The following GRIK5 variants were observed in gnomAD, a reference collection of about 807,000 sequenced individuals.
The protein encoded by GRIK5 is glutamate receptor ionotropic, kainate 5.
Under a neutral mutation model 97.4 loss-of-function variants are expected in GRIK5, and 43 were observed. The ratio of observed to expected loss-of-function variants is 0.44; its 90% CI spans 0.35 to 0.57. The LOEUF (loss-of-function observed/expected upper bound fraction) is 0.57, where lower values mean the gene tolerates loss of function less well. Ranked by LOEUF, GRIK5 falls within the 20% of genes least tolerant of loss-of-function variation. GRIK5 has a pLI of 0.01. For synonymous variants in GRIK5, 580 were observed against 583.5 expected (o/e 0.99, Z 0.09); for missense variants, 1,015 against 1,382.0 (o/e 0.73, Z 4.21).
intron 15 of GRIK5, among the ~76,000 whole-genome samples, chr19:42,012,793 G>C (rs942081649): frequency 1.3e-5 from 2 of 151,904 alleles, no homozygotes; most frequent in Admixed American, 6.6e-5. Context: ...CTTAAGCCTG[G>C]GAGGTTGAGG....
chr19:42,061,867 C>T (rs1599849637), intron 5 of GRIK5, among the ~76,000 whole-genome samples: 1 of 152,220 alleles, frequency 6.6e-6, no homozygotes, highest in East Asian at 1.9e-4. Context: ...CTGACCCTGT[C>T]CCCTCGCCCT....
chr19:42,005,666 A>T, intron 17 of GRIK5, 57 bp downstream of exon 17: 1 of 1,260,288 alleles, frequency 7.9e-7, no homozygotes, highest in Non-Finnish European at 1.1e-6. Context: ...GGGCCTGCTC[A>T]CAGGTGGTTT....
At chr19:42,063,802 A>C (rs1044891150) in intron 3 of GRIK5, among the ~76,000 whole-genome samples, 1 of 152,172 alleles carries the variant, frequency 6.6e-6, no homozygotes, top group East Asian at 1.9e-4. Flanking sequence ...GAACACCTGG[A>C]TTCAGCCATG....
intron 15 of GRIK5, among the ~76,000 whole-genome samples, chr19:42,019,569 CA>C (rs972244027): frequency 6.6e-6 from 1 of 152,156 alleles, no homozygotes; most frequent in African/African-American, 2.4e-5. Context: ...CCTTACTCAG[CA>C]AAAGAGACTT....
Position 42,042,824 on chromosome 19 carries a change from C to T in GRIK5, c.1270-69G>A. On this transcript the variant is annotated intron_variant, in intron 11 of 19. Coordinates refer to ENST00000593562, the MANE Select transcript of GRIK5 (RefSeq NM_002088.5). This position sits in a 1 kb window ranked among gnomAD's most constrained non-coding sequence, Gnocchi z 6.9. ...GTGGCTGGGTTGCGGATCCTGGAGC[C>T]CGGACCAGGCAGGTAGAGCAGGAAT... 1.6e-6 allele frequency: 2 copies of T among 1,213,530 alleles called. No homozygotes were observed. Among genetic ancestry groups the T allele is most frequent in the South Asian group, 1.3e-5 (1 of 76,052 alleles). 75.2% of individuals were successfully genotyped at this position (1,213,530 alleles called of 1,614,324 possible). A position where few individuals can be genotyped will look rare whatever the true frequency, so the allele number is the denominator to read the frequency against.
Position 42,062,163 on chromosome 19 carries a change from T to C in GRIK5, c.508+325A>G, listed in dbSNP as rs747509695. Reference sequence around the variant, plus strand: ...TCCACGTGCCTCCTGGCAGCACACATACCACTCTGTATCACAACAGCTCAA... The same window carrying C: ...TCCACGTGCCTCCTGGCAGCACACACACCACTCTGTATCACAACAGCTCAA... On this transcript the variant is annotated intron_variant, in intron 5 of 19. Coordinates refer to ENST00000593562, the MANE Select transcript of GRIK5 (RefSeq NM_002088.5). This position sits in a 1 kb window ranked among gnomAD's most constrained non-coding sequence, Gnocchi z 5.3. Among the ~76,000 whole-genome samples, 15 of 152,172 alleles carry C rather than the reference T, an allele frequency of 9.9e-5. No homozygotes were observed. Among genetic ancestry groups the C allele is most frequent in the Non-Finnish European group, 1.9e-4 (13 of 68,032 alleles).
rs1555870453 is a variant in GRIK5 at position 41,999,433 on chromosome 19, ACTTCT to A, written c.2515-139_2515-135del. The A allele has an allele frequency of 1.6e-6, 1 of 619,840 alleles. No individual in the cohort carries two copies. Among genetic ancestry groups the A allele is most frequent in the Admixed American group, 4.0e-5 (1 of 25,016 alleles). The allele number at this position is 619,840 out of a possible 1,614,324, so 38.4% of individuals were successfully genotyped here. A position where few individuals can be genotyped will look rare whatever the true frequency, so the allele number is the denominator to read the frequency against. On this transcript the variant is annotated intron_variant, in intron 19 of 19. Transcript: ENST00000593562. This position sits in a 1 kb window ranked among gnomAD's most constrained non-coding sequence, Gnocchi z 5.0. Reference sequence around the variant, plus strand: ...TCCTTCTGCCCTCGCTTCCCTTCCCACTTCTCTTCCCTTTATCTCCCCCGTGTTTT... The same window carrying A: ...TCCTTCTGCCCTCGCTTCCCTTCCCACTTCCCTTTATCTCCCCCGTGTTTT...
intron 12 of GRIK5, among the ~76,000 whole-genome samples, chr19:42,039,035 G>C (rs1293584883): frequency 6.6e-6 from 1 of 152,092 alleles, no homozygotes; most frequent in Non-Finnish European, 1.5e-5. Flanking sequence ...ACCAAGCCCT[G>C]GTGCTCTTTA....
intron 11 of GRIK5, among the ~76,000 whole-genome samples, chr19:42,051,945 C>G (rs2076122455): frequency 6.6e-6 from 1 of 152,204 alleles, no homozygotes; most frequent in African/African-American, 2.4e-5. Flanking sequence ...CTAAAGCTGA[C>G]TCAGTCCCTC....
intron 12 of GRIK5, among the ~76,000 whole-genome samples, chr19:42,039,748 G>T (rs1278654209): frequency 6.6e-6 from 1 of 152,194 alleles, no homozygotes; most frequent in East Asian, 1.9e-4. Flanking sequence ...GGAAGGCTGA[G>T]GTGGGAGGAT....
chr19:42,062,015 C>G lies in GRIK5; in HGVS notation c.508+473G>C, dbSNP rs1475621850. On this transcript the variant is annotated intron_variant, in intron 5 of 19. Coordinates refer to ENST00000593562, the MANE Select transcript of GRIK5 (RefSeq NM_002088.5). This position sits in a 1 kb window ranked among gnomAD's most constrained non-coding sequence, Gnocchi z 5.3. ...CTACCTCTGCCCGTCACACTTTCTA[C>G]TTAGAACCTGTTCCCTCTTTCTTCC... 6.6e-6 allele frequency among the ~76,000 whole-genome samples: 1 copy of G among 152,232 alleles called. No individual in the cohort carries two copies. Among genetic ancestry groups the G allele is most frequent in the East Asian group, 1.9e-4 (1 of 5,204 alleles).
intron 12 of GRIK5, among the ~76,000 whole-genome samples, chr19:42,025,975 G>T (rs989149734): frequency 3.3e-5 from 5 of 152,100 alleles, no homozygotes; most frequent in African/African-American, 4.8e-5. Context: ...AATAAATTCT[G>T]CAATGACTCT....
chr19:42,026,050 G>A (rs2075767765), intron 12 of GRIK5, among the ~76,000 whole-genome samples: 1 of 152,118 alleles, frequency 6.6e-6, no homozygotes, highest in South Asian at 2.1e-4. Context: ...GAACACAGTG[G>A]TGCAATCATA....
intron 9 of GRIK5, among the ~76,000 whole-genome samples, 176 bp downstream of exon 9, chr19:42,054,144 A>G (rs2076151506): frequency 6.6e-6 from 1 of 152,148 alleles, no homozygotes; most frequent in Non-Finnish European, 1.5e-5. Flanking sequence ...GGCAAGACTC[A>G]GAAAGAGAGA....
At position 42,062,650 on chromosome 19, in the gene GRIK5, G is replaced by A. The variant is rs768384122; in HGVS notation, c.346C>T (p.Pro116Ser). ...TCCTCGGGACCCACCTTGATGTGGG[G>A]GATCTGGACAGAGAGGAAACTTTGG... ...VSHICGEKEI[P>S]HIKVGPEETP... The change falls in exon 5 of 20, where the codon CCC becomes TCC. Residue 116 changes from proline to serine, a missense_variant. This residue lies in a region of GRIK5 where 198 missense variants were observed against 218.2 expected (regional missense o/e 0.91). Transcript: ENST00000593562. This position sits in a 1 kb window ranked among gnomAD's most constrained non-coding sequence, Gnocchi z 5.3. The A allele has an allele frequency of 6.2e-7, 1 of 1,614,018 alleles. No individual in the cohort carries two copies. The highest frequency in any genetic ancestry group is 1.1e-5 in the South Asian group (1 of 91,074).
At chr19:42,050,305 T>A (rs1813638661) in intron 11 of GRIK5, among the ~76,000 whole-genome samples, 2 of 152,048 alleles carry the variant, frequency 1.3e-5, no homozygotes, top group Admixed American at 1.3e-4. Context: ...GCAAACAGTG[T>A]GTGGATGGCA....
intron 11 of GRIK5, among the ~76,000 whole-genome samples, chr19:42,053,270 T>C (rs1442378330): frequency 6.6e-6 from 1 of 152,172 alleles, no homozygotes; most frequent in African/African-American, 2.4e-5. Context: ...AACTTCAAGA[T>C]GGACACTGAG....
chr19:42,061,240 G>C (rs550231869), intron 5 of GRIK5, among the ~76,000 whole-genome samples: 1 of 152,124 alleles, frequency 6.6e-6, no homozygotes, highest in Non-Finnish European at 1.5e-5. Context: ...GTAGAGACGG[G>C]GTTTCACCAT....
intron 12 of GRIK5, among the ~76,000 whole-genome samples, chr19:42,028,892 T>G (rs1398192647): frequency 6.6e-6 from 1 of 152,222 alleles, no homozygotes; most frequent in Non-Finnish European, 1.5e-5. Context: ...TAAGGAGTTA[T>G]GACAGTAAGG....
Sources: gnomAD v4.1 joint callset for allele counts (sites outside exome capture counted in the v4.1 genomes callset) on GRCh38, gnomAD v4.1.1 for gene constraint, gnomAD v4.1.1 regional missense constraint, Gnocchi (gnomAD v3.1) non-coding constraint, MANE v1.5 for transcripts, NCBI Gene and HGNC (gene_info 2026-07-23, HGNC 2026-07-21) for gene names.